The following SLIT2 variants were observed in gnomAD, a reference collection of about 807,000 sequenced individuals.
SLIT2 encodes slit homolog 2 protein.
SLIT2 carries 41 observed loss-of-function variants against 185.7 expected under a neutral mutation model. That is an observed-to-expected ratio of 0.22 (90% CI 0.17 to 0.29). The LOEUF (loss-of-function observed/expected upper bound fraction) is 0.29, where lower values mean the gene tolerates loss of function less well. SLIT2 is among the 10% of genes least tolerant of loss of function. The pLI is 1.00. For synonymous variants in SLIT2, 693 were observed against 680.2 expected, an observed-to-expected ratio of 1.02 and a Z score of -0.29; for missense variants, 1,571 against 1,909.0, an observed-to-expected ratio of 0.82 and a Z score of 3.30.
intron 4 of SLIT2, among the ~76,000 whole-genome samples, chr4:20,331,857 G>A (rs932713494): frequency 3.3e-5 from 5 of 152,076 alleles, no homozygotes; most frequent in African/African-American, 1.2e-4. Context: ...GATACTTTAT[G>A]TCATTGAAAT....
intron 17 of SLIT2, 34 bp downstream of exon 17, chr4:20,532,092 G>A: frequency 7.8e-7 from 1 of 1,286,952 alleles, no homozygotes; most frequent in Middle Eastern, 1.9e-4. Context: ...TTTTATTTCT[G>A]TAGCATTTTT....
chr4:20,399,832 A>C (rs1726206019), intron 4 of SLIT2, among the ~76,000 whole-genome samples: 1 of 151,746 alleles, frequency 6.6e-6, no homozygotes, highest in Non-Finnish European at 1.5e-5. Flanking sequence ...CAAAGTATGA[A>C]GGTTTTAGCC....
intron 4 of SLIT2, among the ~76,000 whole-genome samples, chr4:20,421,633 T>A (rs949729189): frequency 5.9e-5 from 9 of 152,066 alleles, no homozygotes; most frequent in African/African-American, 1.7e-4. Flanking sequence ...GATATTCCCT[T>A]CTCCCCAGCC....
At chr4:20,510,633 G>T in intron 10 of SLIT2, 67 bp downstream of exon 10, 1 of 984,022 alleles carries the variant, frequency 1.0e-6, no homozygotes. Context: ...ACCATGCAAA[G>T]AAACTTAAGT....
intron 33 of SLIT2, among the ~76,000 whole-genome samples, chr4:20,605,055 C>T (rs912645521): frequency 1.3e-5 from 2 of 151,840 alleles, no homozygotes; most frequent in Admixed American, 6.6e-5. Context: ...AGGCTAGACT[C>T]GAACTCCTGA....
chr4:20,603,920 G>A (rs2148969625), intron 33 of SLIT2, among the ~76,000 whole-genome samples: 1 of 152,308 alleles, frequency 6.6e-6, no homozygotes, highest in East Asian at 1.9e-4. Context: ...AGCCATTCTT[G>A]ATATGCCATA....
chr4:20,265,781 T>C (rs1011234778), intron 3 of SLIT2, among the ~76,000 whole-genome samples: 1 of 151,990 alleles, frequency 6.6e-6, no homozygotes, highest in African/African-American at 2.4e-5. Context: ...AGTTCATAGA[T>C]ATTTAAGAAA....
chr4:20,318,353 T>C (rs537237419), intron 4 of SLIT2, among the ~76,000 whole-genome samples: 1 of 152,278 alleles, frequency 6.6e-6, no homozygotes, highest in East Asian at 1.9e-4. Context: ...AATTTGCATT[T>C]CTTATTTTAG....
At chr4:20,436,659 G>C (rs558008415) in intron 4 of SLIT2, among the ~76,000 whole-genome samples, 2 of 152,312 alleles carry the variant, frequency 1.3e-5, no homozygotes, top group African/African-American at 4.8e-5. Context: ...TCCTGGATTT[G>C]TAAATAAAGT....
intron 28 of SLIT2, among the ~76,000 whole-genome samples, chr4:20,568,595 C>T (rs1259753086): frequency 6.6e-6 from 1 of 151,986 alleles, no homozygotes; most frequent in Non-Finnish European, 1.5e-5. Flanking sequence ...CCTGCAAATA[C>T]AGTGGGTTTG....
At chr4:20,259,203 A>T (rs899386095) in intron 3 of SLIT2, among the ~76,000 whole-genome samples, 1 of 151,848 alleles carries the variant, frequency 6.6e-6, no homozygotes. Flanking sequence ...AACAAAGCTT[A>T]TAAGTTCATA....
chr4:20,581,598 C>T (rs1726575056), intron 29 of SLIT2, among the ~76,000 whole-genome samples: 1 of 152,144 alleles, frequency 6.6e-6, no homozygotes, highest in Non-Finnish European at 1.5e-5. Context: ...ATCACAAAGT[C>T]CCATCTGTTT....
chr4:20,293,603 T>G (rs968076678), intron 4 of SLIT2, among the ~76,000 whole-genome samples: 1 of 152,196 alleles, frequency 6.6e-6, no homozygotes, highest in Non-Finnish European at 1.5e-5. Flanking sequence ...TTTTTCAGGG[T>G]TTAGCATCAA....
chr4:20,579,459 A>G (rs565676569), intron 29 of SLIT2, among the ~76,000 whole-genome samples: 55 of 152,276 alleles, frequency 3.6e-4, no homozygotes, highest in African/African-American at 1.3e-3. Flanking sequence ...TAAAAATTTC[A>G]TTCAGCCCAG....
intron 8 of SLIT2, chr4:20,490,841 G>T: frequency 6.7e-7 from 1 of 1,503,230 alleles, no homozygotes; most frequent in Non-Finnish European, 8.9e-7. Flanking sequence ...TTTTTAGACC[G>T]AGGATATTTT....
chr4:20,334,079 A>T (rs1287806492), intron 4 of SLIT2, among the ~76,000 whole-genome samples: 1 of 152,090 alleles, frequency 6.6e-6, no homozygotes, highest in Admixed American at 6.6e-5. Context: ...TATTTTCCCT[A>T]TGTCTCTACT....
intron 8 of SLIT2, among the ~76,000 whole-genome samples, chr4:20,491,222 A>G (rs750400150): frequency 1.6e-4 from 24 of 152,206 alleles, no homozygotes; most frequent in Non-Finnish European, 3.1e-4. Context: ...GATAATTTTG[A>G]ACCTATCAAG....
At chr4:20,462,506 C>T (rs1284235245) in intron 4 of SLIT2, among the ~76,000 whole-genome samples, 2 of 152,108 alleles carry the variant, frequency 1.3e-5, no homozygotes, top group Admixed American at 6.5e-5. Context: ...TGAGATGACC[C>T]CATGTTAAAT....
intron 4 of SLIT2, among the ~76,000 whole-genome samples, chr4:20,380,514 A>G (rs1043670201): frequency 1.3e-5 from 2 of 152,156 alleles, no homozygotes; most frequent in Admixed American, 6.6e-5. Flanking sequence ...ATAATTAGGT[A>G]TTGTAATTAT....
Sources: allele counts gnomAD v4.1 joint callset (sites outside exome capture counted in the v4.1 genomes callset), GRCh38; gene constraint gnomAD v4.1.1; transcripts MANE v1.5; gene names NCBI Gene and HGNC (gene_info 2026-07-23, HGNC 2026-07-21).